PHIP: variants seen among roughly 807,000 people sequenced by gnomAD.
The protein encoded by PHIP is PH-interacting protein.
A neutral mutation model predicts 236.8 loss-of-function variants in PHIP; 54 were observed. The ratio of observed to expected loss-of-function variants is 0.23; its 90% confidence interval spans 0.18 to 0.29. The LOEUF (loss-of-function observed/expected upper bound fraction) is 0.29. PHIP is among the 10% of genes least tolerant of loss of function. The probability of loss-of-function intolerance (pLI) is 1.00; values close to 1 mark genes in which losing one functional copy is unlikely to be tolerated. For synonymous variants in PHIP, 756 were observed against 718.9 expected, an observed-to-expected ratio of 1.05 and a Z score of -0.83; for missense variants, 1,370 against 2,190.8, an observed-to-expected ratio of 0.63 and a Z score of 7.48.
intron 10 of PHIP, 120 bp downstream of exon 10, chr6:79,018,969 A>G (rs938692865): frequency 1.6e-6 from 1 of 637,666 alleles, no homozygotes; most frequent in Non-Finnish European, 2.8e-6. Flanking sequence ...TAGCTCTGGC[A>G]TATGTATAAG....
chr6:79,051,706 AT>A (rs532866084), intron 6 of PHIP, among the ~76,000 whole-genome samples: 135 of 152,310 alleles, frequency 8.9e-4, no homozygotes, highest in African/African-American at 3.2e-3. Flanking sequence ...AACCAACTAC[AT>A]TAAGAGCACT....
intron 15 of PHIP, among the ~76,000 whole-genome samples, chr6:79,007,654 CTTTTT>C (rs35415106): frequency 5.1e-5 from 6 of 116,686 alleles, no homozygotes; most frequent in Non-Finnish European, 7.0e-5. Context: ...ATGTCTTGTT[CTTTTT>C]TTTTTTTTTT....
intron 9 of PHIP, among the ~76,000 whole-genome samples, chr6:79,024,152 T>C (rs1771270673): frequency 6.6e-6 from 1 of 152,188 alleles, no homozygotes; most frequent in Non-Finnish European, 1.5e-5. Context: ...CGAGCTACCA[T>C]GGCCCCCAAG....
At chr6:78,958,654 T>C (rs1046742560) in intron 31 of PHIP, 54 bp from the exon 32 acceptor site, 5 of 1,065,472 alleles carry the variant, frequency 4.7e-6, no homozygotes, top group Non-Finnish European at 5.7e-6. Context: ...GAAATATGTG[T>C]ACATCATTTA....
chr6:79,006,402 G>T (rs965977124), intron 15 of PHIP, among the ~76,000 whole-genome samples: 1 of 151,968 alleles, frequency 6.6e-6, no homozygotes, highest in East Asian at 1.9e-4. Flanking sequence ...TGTATGGTAC[G>T]ATTAAGTAAG....
At chr6:78,944,395 C>T (rs961001067) in intron 39 of PHIP, among the ~76,000 whole-genome samples, 14 of 151,992 alleles carry the variant, frequency 9.2e-5, no homozygotes, top group Non-Finnish European at 1.3e-4. Context: ...GAGAGAGGGA[C>T]TGGTTAAGAA....
In PHIP at chr6:79,042,100, C is replaced by G. The variant is rs753360876; in HGVS notation, c.600+743G>C. Among the ~76,000 whole-genome samples, 4 of 151,988 alleles carry G rather than the reference C, an allele frequency of 2.6e-5. No homozygotes were observed. The South Asian group carries it at 6.2e-4, about 24-fold the overall frequency. On this transcript the variant is annotated intron_variant, in intron 7 of 39. Transcript: ENST00000275034. The stretch of plus-strand genomic sequence containing the variant: ...TGAATGAATGCATACCTTCAGCCCA[C>G]AGGGTAGTGTTTAATAATAAATATC...
rs770096063 is a variant in PHIP at position 78,946,804 on chromosome 6, T to C, written c.4277A>G (p.Lys1426Arg). The stretch of plus-strand genomic sequence containing the variant: ...TCTTTTATGAAAACGAAGAGCAGAT[T>C]TATAATCTGATAAAACTGAACTAAT... ...EHISSVLSDY[K>R]SALRFHKRNT... Residue 1426 changes from lysine to arginine, a missense_variant, in exon 37 of 40, where the codon AAA becomes AGA. Coordinates refer to ENST00000275034, the MANE Select transcript of PHIP (RefSeq NM_017934.7). 10 of 1,595,246 alleles carry C rather than the reference T, an allele frequency of 6.3e-6. No homozygotes were observed. In the South Asian group the frequency reaches 1.1e-4, roughly 18 times the overall value.
intron 19 of PHIP, among the ~76,000 whole-genome samples, chr6:78,995,739 G>A (rs941084200): frequency 1.3e-5 from 2 of 152,144 alleles, no homozygotes; most frequent in Admixed American, 1.3e-4. Context: ...ATTGAGTTAT[G>A]AGAATTATTT....
At chr6:78,944,938 A>G (rs9688399) in intron 39 of PHIP, among the ~76,000 whole-genome samples, 17,387 of 151,618 alleles carry the variant, frequency 0.11, 1,241 homozygotes, top group African/African-American at 0.18. Flanking sequence ...GACAACCCCA[A>G]TGAATTATTA....
intron 4 of PHIP, among the ~76,000 whole-genome samples, chr6:79,075,127 CTT>C (rs1241132171): frequency 2.6e-5 from 4 of 152,024 alleles, no homozygotes; most frequent in Non-Finnish European, 5.9e-5. Context: ...GTACAAGAGA[CTT>C]TGCATGTGCT....
rs186534230 is a variant in PHIP, at chr6:78,963,233, T to C, written c.3399A>G (p.Leu1133=). 7 of 1,604,412 alleles carry C rather than the reference T, an allele frequency of 4.4e-6. No individual in the cohort carries two copies. The highest frequency in any genetic ancestry group is 1.3e-5 in the African/African-American group (1 of 74,510). The change falls in exon 30 of 40, where the codon CTA becomes CTG. Residue 1133 remains leucine (L), a synonymous_variant. Coordinates refer to ENST00000275034, the MANE Select transcript of PHIP (RefSeq NM_017934.7). Reference sequence around the variant, plus strand: ...CATCAGTTAAAGGAACACTGGTACCTAGTTCTTCAGGAAATACAGCTGAAA... The same window carrying C: ...CATCAGTTAAAGGAACACTGGTACCCAGTTCTTCAGGAAATACAGCTGAAA... ...IPNNAVFPEE[L]GTSVPLTDGE...
chr6:78,977,373 T>C (rs1364246308), intron 24 of PHIP, among the ~76,000 whole-genome samples: 4 of 151,726 alleles, frequency 2.6e-5, no homozygotes, highest in Non-Finnish European at 5.9e-5. Flanking sequence ...CTGGGGACTG[T>C]TGTGGGGTGG....
intron 4 of PHIP, among the ~76,000 whole-genome samples, chr6:79,066,283 A>G (rs1333295251): frequency 6.6e-6 from 1 of 152,206 alleles, no homozygotes; most frequent in Non-Finnish European, 1.5e-5. Flanking sequence ...TATTGGCTGC[A>G]CACTGAATGC....
intron 24 of PHIP, among the ~76,000 whole-genome samples, chr6:78,973,241 G>C (rs1304451123): frequency 1.3e-5 from 2 of 151,776 alleles, no homozygotes; most frequent in Non-Finnish European, 2.9e-5. Context: ...TTAAAGAAAA[G>C]AATTTTCAAC....
intron 9 of PHIP, among the ~76,000 whole-genome samples, chr6:79,024,932 A>G (rs1771319827): frequency 6.6e-6 from 1 of 152,226 alleles, no homozygotes; most frequent in Non-Finnish European, 1.5e-5. Flanking sequence ...TCATTTAACC[A>G]TTTCAGTGCC....
intron 7 of PHIP, among the ~76,000 whole-genome samples, chr6:79,036,921 CAAA>C (rs34875528): frequency 5.1e-5 from 2 of 38,946 alleles, no homozygotes; most frequent in African/African-American, 9.8e-5. Context: ...GACTCCGTCT[CAAA>C]AAAAAAAAAA....
At chr6:79,008,298 T>C (rs1770402094) in intron 15 of PHIP, among the ~76,000 whole-genome samples, 1 of 151,684 alleles carries the variant, frequency 6.6e-6, no homozygotes, top group Non-Finnish European at 1.5e-5. Flanking sequence ...TATGCCAACA[T>C]AAAAAAGGAA....
chr6:78,979,441 C>T (rs1768356677), intron 23 of PHIP, among the ~76,000 whole-genome samples: 1 of 151,650 alleles, frequency 6.6e-6, no homozygotes, highest in African/African-American at 2.4e-5. Context: ...TTTTTTAATC[C>T]TAGTTATAGT....
Sources: allele counts gnomAD v4.1 joint callset (sites outside exome capture counted in the v4.1 genomes callset), GRCh38; gene constraint gnomAD v4.1.1; transcripts MANE v1.5; gene names NCBI Gene and HGNC (gene_info 2026-07-23, HGNC 2026-07-21).